Variants in SLC1A7 observed in about 807,000 individuals in gnomAD.
The protein encoded by SLC1A7 is excitatory amino acid transporter 5.
In SLC1A7, 40 loss-of-function variants were observed where a neutral mutation model predicts 47.7. The ratio of observed to expected loss-of-function variants is 0.84; its 90% confidence interval spans 0.65 to 1.09. SLC1A7 has a LOEUF of 1.09. Among genes scored for constraint, SLC1A7 ranks in the 50% least tolerant of loss-of-function variants. The pLI is 0.00. For synonymous variants in SLC1A7, 323 were observed against 325.6 expected (o/e 0.99, Z 0.09); for missense variants, 746 against 769.5 (o/e 0.97, Z 0.36).
At chr1:53,140,291 A>G (rs1185482925) in intron 1 of SLC1A7, among the ~76,000 whole-genome samples, 1 of 152,222 alleles carries the variant, frequency 6.6e-6, no homozygotes, top group Non-Finnish European at 1.5e-5. Context: ...GCTTTTAATA[A>G]TAGGCATTCC....
At chr1:53,125,082 T>G (rs977404072) in intron 2 of SLC1A7, among the ~76,000 whole-genome samples, 1 of 152,154 alleles carries the variant, frequency 6.6e-6, no homozygotes, top group Admixed American at 6.5e-5. Context: ...GCTTGACTTT[T>G]CTAAATAAAG....
At chr1:53,096,873 G>A (rs937033729) in intron 5 of SLC1A7, among the ~76,000 whole-genome samples, 1 of 132,094 alleles carries the variant, frequency 7.6e-6, no homozygotes, top group Non-Finnish European at 1.6e-5. Context: ...ACTTTGCCTC[G>A]ATACACTCAC....
intron 3 of SLC1A7, among the ~76,000 whole-genome samples, chr1:53,114,166 C>T (rs1331844207): frequency 6.6e-6 from 1 of 152,152 alleles, no homozygotes; most frequent in Non-Finnish European, 1.5e-5. Flanking sequence ...CTGCAGGGGA[C>T]CCGGGGAAAG....
At chr1:53,129,882 G>A (rs1644924056) in intron 2 of SLC1A7, among the ~76,000 whole-genome samples, 3 of 150,540 alleles carry the variant, frequency 2.0e-5, no homozygotes, top group African/African-American at 7.3e-5. Flanking sequence ...TCCCCTCCTG[G>A]GATCTCAGAA....
chr1:53,126,866 ATTT>A (rs148031748), intron 2 of SLC1A7, among the ~76,000 whole-genome samples: 5,348 of 151,164 alleles, frequency 0.035, 122 homozygotes, highest in Middle Eastern at 0.068. Flanking sequence ...TGCTTATCTA[ATTT>A]TTTTTTTTTA....
chr1:53,120,687 C>A (rs916348326), intron 2 of SLC1A7, among the ~76,000 whole-genome samples: 4 of 152,248 alleles, frequency 2.6e-5, no homozygotes, highest in African/African-American at 9.6e-5. Context: ...CCCAGGGCAC[C>A]CTGTGCTTCC....
intron 7 of SLC1A7, 145 bp downstream of exon 7, chr1:53,092,409 C>T (rs1027438684): frequency 4.5e-5 from 30 of 666,370 alleles, no homozygotes; most frequent in Non-Finnish European, 7.4e-5. Flanking sequence ...GTCTTGTTAC[C>T]CCAGCACCAG....
chr1:53,134,150 A>G (rs1041197105), intron 2 of SLC1A7, among the ~76,000 whole-genome samples, 200 bp downstream of exon 2: 3 of 152,056 alleles, frequency 2.0e-5, no homozygotes, highest in African/African-American at 7.2e-5. Flanking sequence ...TAAAAATTCT[A>G]CTGGATGGAA....
intron 2 of SLC1A7, among the ~76,000 whole-genome samples, chr1:53,120,553 C>T (rs11582599): frequency 0.019 from 2,877 of 152,298 alleles, 31 homozygotes; most frequent in Non-Finnish European, 0.031. Context: ...GATGTTCCTC[C>T]CGCCTGGAAC....
intron 1 of SLC1A7, among the ~76,000 whole-genome samples, chr1:53,135,880 A>T (rs1644987649): frequency 7.0e-6 from 1 of 143,182 alleles, no homozygotes; most frequent in African/African-American, 2.7e-5. Context: ...TGTACTTGCA[A>T]CTATTTTTTT....
At chr1:53,095,600 C>G (rs546954364) in intron 5 of SLC1A7, among the ~76,000 whole-genome samples, 1 of 147,734 alleles carries the variant, frequency 6.8e-6, no homozygotes, top group South Asian at 2.2e-4. Flanking sequence ...CACCCCGCCT[C>G]GTTACACACA....
chr1:53,111,420 C>T (rs1237217748), intron 3 of SLC1A7, among the ~76,000 whole-genome samples: 1 of 152,106 alleles, frequency 6.6e-6, no homozygotes, highest in Non-Finnish European at 1.5e-5. Context: ...GGGTTGAGAG[C>T]AGGTTTTGAA....
At chr1:53,089,684 G>C in intron 9 of SLC1A7, 116 bp downstream of exon 9, 1 of 1,084,000 alleles carries the variant, frequency 9.2e-7, no homozygotes. Context: ...AGTGCCAAGC[G>C]GGGCAGTCCC....
Position 53,088,030 on chromosome 1 carries a change from A to G in SLC1A7, c.1662T>C (p.Ser554=), listed in dbSNP as rs1288400. 0.99 allele frequency: 1,506,620 copies of G among 1,521,914 alleles called. 746,914 individuals carry two copies. Among genetic ancestry groups the G allele is most frequent in the East Asian group, 1 (41,767 of 41,780 alleles). The allele number at this position is 1,521,914 out of a possible 1,614,324, so 94.3% of individuals were successfully genotyped here. A position where few individuals can be genotyped will look rare whatever the true frequency, so the allele number is the denominator to read the frequency against. The change falls in exon 11 of 11, where the codon AGT becomes AGC. Residue 554 remains serine (S), a synonymous_variant. Transcript: ENST00000371494. ...ASLNHCTIQI[S]ELETNV ...AGGCTCAGACATTGGTCTCCAGCTC[A>G]CTGATCTGGATGGTGCAGTGGTTCA...
intron 1 of SLC1A7, among the ~76,000 whole-genome samples, chr1:53,141,125 C>A (rs1229669784): frequency 6.6e-6 from 1 of 152,130 alleles, no homozygotes. Flanking sequence ...TGTCCTTGGG[C>A]CTTGTCTTCA....
chr1:53,096,668 C>A (rs1014048589), intron 5 of SLC1A7, among the ~76,000 whole-genome samples: 2 of 150,726 alleles, frequency 1.3e-5, no homozygotes, highest in Non-Finnish European at 3.0e-5. Flanking sequence ...ACACACACTG[C>A]CTCAGTACAC....
chr1:53,140,474 A>AC (rs991360219), intron 1 of SLC1A7, among the ~76,000 whole-genome samples: 10 of 152,026 alleles, frequency 6.6e-5, no homozygotes, highest in South Asian at 2.1e-4. Flanking sequence ...GTTAAAAAAA[A>AC]AAACAAACCC....
chr1:53,121,139 C>T (rs1402084095), intron 2 of SLC1A7, among the ~76,000 whole-genome samples: 1 of 152,254 alleles, frequency 6.6e-6, no homozygotes, highest in Non-Finnish European at 1.5e-5. Context: ...CAGACTGGAA[C>T]TCCTCCAAGG....
rs1195646059 is a variant in SLC1A7, at chr1:53,088,097, G to A, written c.1595C>T (p.Pro532Leu). The A allele has an allele frequency of 6.2e-7, 1 of 1,612,026 alleles. No homozygotes were observed. Among genetic ancestry groups the A allele is most frequent in the Admixed American group, 1.7e-5 (1 of 59,934 alleles). Residue 532 changes from proline (P) to leucine (L), a missense_variant, in exon 11 of 11, where the codon CCC becomes CTC. Pro to Leu is a moderately conservative substitution (Grantham distance 98). Coordinates refer to ENST00000371494, the MANE Select transcript of SLC1A7 (RefSeq NM_006671.6). ...TLGPTCPHHV[P>L]VQVEQDEELP... is the part of the protein sequence containing the mutation. ...CTCCTCATCCTGCTCCACTTGAACG[G>A]GGACGTGGTGGGGGCAGGTGGGGCC...
Sources: allele counts gnomAD v4.1 joint callset (sites outside exome capture counted in the v4.1 genomes callset), GRCh38; gene constraint gnomAD v4.1.1; transcripts MANE v1.5; gene names NCBI Gene and HGNC (gene_info 2026-07-23, HGNC 2026-07-21).